The following TENM3 variants were observed in gnomAD, a reference collection of about 807,000 sequenced individuals.
TENM3 encodes the protein teneurin transmembrane protein 3.
A neutral mutation model predicts 255.1 loss-of-function variants in TENM3; 63 were observed. That is an observed-to-expected ratio of 0.25 (90% CI 0.20 to 0.30). The LOEUF is 0.30. TENM3 is among the 10% of genes least tolerant of loss of function. The pLI is 1.00. For synonymous variants in TENM3, 1,306 were observed against 1,322.3 expected (o/e 0.99, Z 0.27); for missense variants, 2,929 against 3,461.1 (o/e 0.85, Z 3.86).
At chr4:182,573,121 T>C (rs192565423) in intron 3 of TENM3, among the ~76,000 whole-genome samples, 67 of 152,298 alleles carry the variant, frequency 4.4e-4, no homozygotes, top group Admixed American at 4.4e-3. Context: ...TTAATCCACA[T>C]TTTCTACATT....
intron 3 of TENM3, among the ~76,000 whole-genome samples, chr4:182,420,303 AT>A (rs1770726247): frequency 6.6e-6 from 1 of 152,174 alleles, no homozygotes; most frequent in Non-Finnish European, 1.5e-5. Flanking sequence ...AAATGAATTA[AT>A]ACTGGACAGC....
intron 7 of TENM3, among the ~76,000 whole-genome samples, chr4:182,674,583 G>A (rs1296396434): frequency 6.6e-6 from 1 of 151,766 alleles, no homozygotes; most frequent in African/African-American, 2.4e-5. Context: ...TGTTTGTTTT[G>A]TTTTTTGTTT....
intron 1 of TENM3, among the ~76,000 whole-genome samples, chr4:182,169,074 TACACACACAC>T (rs55885166): frequency 7.3e-6 from 1 of 137,856 alleles, no homozygotes; most frequent in East Asian, 2.2e-4. Flanking sequence ...AATCATGCCA[TACACACACAC>T]ACACACACAC....
intron 4 of TENM3, among the ~76,000 whole-genome samples, chr4:182,620,677 A>C (rs903626363): frequency 1.3e-5 from 2 of 152,220 alleles, no homozygotes; most frequent in Non-Finnish European, 2.9e-5. Flanking sequence ...TTCTTTACTT[A>C]CATACTAGAA....
chr4:182,191,492 T>A lies in TENM3; in HGVS notation c.-76+46738T>A, dbSNP rs573520735. On this transcript the variant is annotated intron_variant, in intron 1 of 2. Transcript: ENST00000512480. ...GGCAGATCATCCGTCCCATTGCTAA[T>A]TCTTCTCCCTTCTCCTTACGTACAT... Among the ~76,000 whole-genome samples the A allele has an allele frequency of 5.3e-5, 8 of 152,318 alleles. No individual in the cohort carries two copies. The East Asian group carries it at 1.5e-3, about 29-fold the overall frequency.
intron 3 of TENM3, among the ~76,000 whole-genome samples, chr4:182,420,770 A>G (rs1381272994): frequency 6.6e-6 from 1 of 152,222 alleles, no homozygotes; most frequent in Non-Finnish European, 1.5e-5. Flanking sequence ...GCTGTTATAA[A>G]AACATGCTGG....
chr4:182,689,525 G>C (rs1264690529), intron 12 of TENM3, among the ~76,000 whole-genome samples: 2 of 152,120 alleles, frequency 1.3e-5, no homozygotes, highest in Non-Finnish European at 2.9e-5. Flanking sequence ...TCTTCAAGAA[G>C]AACTCAGGAC....
At chr4:181,991,037 G>A in the TENM3 span, among the ~76,000 whole-genome samples, 1 of 152,130 alleles carries the variant, frequency 6.6e-6, no homozygotes. Context: ...ATCTGTAGGG[G>A]AGGATTAGAA....
chr4:182,642,041 A>T (rs1056113683), intron 5 of TENM3, among the ~76,000 whole-genome samples: 2 of 152,210 alleles, frequency 1.3e-5, no homozygotes, highest in African/African-American at 4.8e-5. Context: ...CATGTAAATG[A>T]TTTCATTCTG....
At chr4:181,758,194 G>A in the TENM3 span, among the ~76,000 whole-genome samples, 1 of 152,142 alleles carries the variant, frequency 6.6e-6, no homozygotes, top group Non-Finnish European at 1.5e-5. Context: ...GTGAGAATCT[G>A]TTGCATTCAT....
the TENM3 span, among the ~76,000 whole-genome samples, chr4:182,007,483 T>G: frequency 6.6e-6 from 1 of 152,134 alleles, no homozygotes; most frequent in Non-Finnish European, 1.5e-5. Context: ...CATAATGTCT[T>G]TCTTTGTCTT....
the TENM3 span, among the ~76,000 whole-genome samples, chr4:181,545,294 A>G: frequency 2.0e-5 from 3 of 152,200 alleles, no homozygotes; most frequent in African/African-American, 7.2e-5. Context: ...TTTATAACAA[A>G]CAGTGCCTCT....
intron 1 of TENM3, among the ~76,000 whole-genome samples, chr4:182,271,481 A>G (rs1030296505): frequency 6.6e-6 from 1 of 152,154 alleles, no homozygotes; most frequent in African/African-American, 2.4e-5. Flanking sequence ...AGGTGGGTCC[A>G]GTTGTGCATT....
chr4:182,053,228 T>A, the TENM3 span, among the ~76,000 whole-genome samples: 1 of 152,142 alleles, frequency 6.6e-6, no homozygotes, highest in African/African-American at 2.4e-5. Context: ...TATAGGAATT[T>A]GCAGTTGGAG....
chr4:182,403,419 A>AT (rs1394054807), intron 3 of TENM3, among the ~76,000 whole-genome samples: 1 of 152,236 alleles, frequency 6.6e-6, no homozygotes, highest in Non-Finnish European at 1.5e-5. Flanking sequence ...CTGATGCACT[A>AT]TATCTTAACT....
At chr4:181,998,635 C>T in the TENM3 span, among the ~76,000 whole-genome samples, 4 of 152,238 alleles carry the variant, frequency 2.6e-5, no homozygotes, top group South Asian at 2.1e-4. Flanking sequence ...CAACACAACC[C>T]CACCCTAGAT....
chr4:181,505,165 ACT>A, the TENM3 span, among the ~76,000 whole-genome samples: 2 of 152,224 alleles, frequency 1.3e-5, no homozygotes, highest in South Asian at 2.1e-4. Flanking sequence ...TCTGGGGAAC[ACT>A]CACACCACTT....
At chr4:182,448,259 G>A (rs1454579490) in intron 3 of TENM3, among the ~76,000 whole-genome samples, 3 of 152,220 alleles carry the variant, frequency 2.0e-5, no homozygotes, top group African/African-American at 4.8e-5. Flanking sequence ...CGGAGAGGCG[G>A]TGGCCGAGGC....
the TENM3 span, among the ~76,000 whole-genome samples, chr4:181,965,721 T>C: frequency 1.3e-5 from 2 of 152,216 alleles, no homozygotes; most frequent in Non-Finnish European, 2.9e-5. Flanking sequence ...ATTTTTCTCC[T>C]GTGTCTCCTG....
Sources: gnomAD v4.1 joint callset for allele counts (sites outside exome capture counted in the v4.1 genomes callset) on GRCh38, gnomAD v4.1.1 for gene constraint, MANE v1.5 for transcripts, NCBI Gene and HGNC (gene_info 2026-07-23, HGNC 2026-07-21) for gene names.